Variants in PDE11A observed in about 807,000 individuals in gnomAD.
The protein encoded by PDE11A is phosphodiesterase 11A, also known as dual 3',5'-cyclic-AMP and -GMP phosphodiesterase 11A.
A neutral mutation model predicts 100.5 loss-of-function variants in PDE11A; 100 were observed. That is an observed-to-expected ratio of 1.00 (90% CI 0.85 to 1.18). PDE11A has a LOEUF of 1.18. Ranked by LOEUF, PDE11A falls within the 50% of genes most tolerant of loss-of-function variation. The pLI, the probability that PDE11A is intolerant of heterozygous loss-of-function variation, is 0.00. For missense variants in PDE11A, 1,141 were observed against 1,152.6 expected (o/e 0.99, Z 0.15); for synonymous variants, 381 against 420.8 (o/e 0.91, Z 1.16).
At chr2:177,841,894 A>C (rs563220889) in intron 5 of PDE11A, among the ~76,000 whole-genome samples, 2 of 152,346 alleles carry the variant, frequency 1.3e-5, no homozygotes, top group African/African-American at 4.8e-5. Flanking sequence ...AAATCAAAAC[A>C]AAAGAACAAA....
At chr2:177,845,256 G>A (rs1405697336) in intron 5 of PDE11A, among the ~76,000 whole-genome samples, 1 of 147,694 alleles carries the variant, frequency 6.8e-6, no homozygotes, top group Admixed American at 6.8e-5. Context: ...CGGGCGGAGG[G>A]GCTCCTCACT....
At chr2:177,971,680 G>T (rs939494441) in intron 2 of PDE11A, among the ~76,000 whole-genome samples, 5 of 152,264 alleles carry the variant, frequency 3.3e-5, no homozygotes, top group East Asian at 1.9e-4. Context: ...AGAGGGGATG[G>T]AGGAGGCTGA....
chr2:177,972,279 A>G (rs544151542), intron 2 of PDE11A, among the ~76,000 whole-genome samples: 3 of 152,366 alleles, frequency 2.0e-5, no homozygotes, highest in South Asian at 4.1e-4. Context: ...TCCAAGAGAC[A>G]GGAAGAGAAC....
At chr2:178,073,137 G>A, upstream of PDE11A, 1 of 907,642 alleles carries the variant, frequency 1.1e-6, no homozygotes, top group Non-Finnish European at 1.3e-6. Context: ...ATGTTTTGCA[G>A]GGATCTGAAC....
At chr2:178,012,982 AT>A (rs1209501066) in intron 2 of PDE11A, among the ~76,000 whole-genome samples, 1 of 152,188 alleles carries the variant, frequency 6.6e-6, no homozygotes, top group East Asian at 1.9e-4. Flanking sequence ...TTCCATGGAA[AT>A]ATCTTTATTG....
Position 177,951,907 on chromosome 2 carries a change from A to G in PDE11A, c.1072-46720T>C, listed in dbSNP as rs555315146. On this transcript the variant is annotated intron_variant, in intron 2 of 19. Coordinates refer to ENST00000286063, the MANE Select transcript of PDE11A (RefSeq NM_016953.4). Reference sequence around the variant, plus strand: ...TTAGAGGATTGTTTAGGGGAAAAAAAGGCAATTTTTAAAAAATACTTTAAG... The same window carrying G: ...TTAGAGGATTGTTTAGGGGAAAAAAGGGCAATTTTTAAAAAATACTTTAAG... Among the ~76,000 whole-genome samples the G allele has an allele frequency of 2.6e-5, 4 of 152,300 alleles. No individual in the cohort carries two copies. The East Asian group carries it at 7.7e-4, about 29-fold the overall frequency.
chr2:177,733,145 A>T (rs2081719006), intron 10 of PDE11A, among the ~76,000 whole-genome samples: 1 of 152,228 alleles, frequency 6.6e-6, no homozygotes, highest in Non-Finnish European at 1.5e-5. Flanking sequence ...AACAAAACAA[A>T]TCAAAGTCAA....
intron 19 of PDE11A, among the ~76,000 whole-genome samples, chr2:177,639,355 T>A (rs1324414177): frequency 6.6e-6 from 1 of 152,194 alleles, no homozygotes; most frequent in East Asian, 1.9e-4. Flanking sequence ...AAAAACTCTG[T>A]CTTGCTTAGT....
chr2:178,018,291 T>C (rs1214351009), intron 1 of PDE11A: 11 of 408,056 alleles, frequency 2.7e-5, no homozygotes, highest in Admixed American at 2.2e-4. Context: ...TCACTCTCCT[T>C]AGTCACTAAG....
intron 13 of PDE11A, among the ~76,000 whole-genome samples, chr2:177,705,666 G>T (rs1330452381): frequency 1.3e-5 from 2 of 152,202 alleles, no homozygotes; most frequent in African/African-American, 2.4e-5. Context: ...AAAAGAGACT[G>T]AATGGCAGTG....
intron 6 of PDE11A, among the ~76,000 whole-genome samples, chr2:177,839,777 C>T (rs1487078018): frequency 6.6e-6 from 1 of 152,144 alleles, no homozygotes; most frequent in East Asian, 1.9e-4. Context: ...GAGACATTAT[C>T]AGTTCATGTG....
chr2:177,810,455 A>G (rs1263490977), intron 9 of PDE11A, among the ~76,000 whole-genome samples: 2 of 152,194 alleles, frequency 1.3e-5, no homozygotes, highest in Non-Finnish European at 2.9e-5. Context: ...AGAAATTTTT[A>G]TAGAGGAGAT....
intron 10 of PDE11A, 101 bp from the exon 11 acceptor site, chr2:177,728,273 G>T: frequency 2.1e-6 from 2 of 961,596 alleles, no homozygotes; most frequent in Non-Finnish European, 3.3e-6. Flanking sequence ...CATAAATCAG[G>T]CCTGACCTGC....
At chr2:178,088,769 C>A (rs1402051755) in intron 2 of PDE11A, among the ~76,000 whole-genome samples, 1 of 152,176 alleles carries the variant, frequency 6.6e-6, no homozygotes, top group Non-Finnish European at 1.5e-5. Flanking sequence ...CTCCTGGTTC[C>A]TGTTAACGGT....
chr2:177,821,384 C>G (rs1317165668), intron 6 of PDE11A, among the ~76,000 whole-genome samples: 1 of 151,662 alleles, frequency 6.6e-6, no homozygotes, highest in East Asian at 1.9e-4. Context: ...CAACTACCAC[C>G]AAGATCAAGA....
At chr2:178,033,125 C>G (rs1478685887) in intron 1 of PDE11A, among the ~76,000 whole-genome samples, 1 of 152,090 alleles carries the variant, frequency 6.6e-6, no homozygotes, top group Non-Finnish European at 1.5e-5. Flanking sequence ...ATGTTTTAAC[C>G]TAATGCAAGG....
chr2:178,104,328 G>GGCAAAC, exon 2 of PDE11A: 1 of 1,614,030 alleles, frequency 6.2e-7, no homozygotes, highest in Non-Finnish European at 8.5e-7. Flanking sequence ...CTCTGTATAA[G>GGCAAAC]AAAATCCTGG....
chr2:178,056,718 GT>G, intron 1 of PDE11A, among the ~76,000 whole-genome samples: 1 of 152,220 alleles, frequency 6.6e-6, no homozygotes, highest in East Asian at 1.9e-4. Flanking sequence ...AAAAATAATT[GT>G]TTTATGAAAG....
At chr2:177,668,744 C>T (rs182688128) in intron 18 of PDE11A, among the ~76,000 whole-genome samples, 373 of 152,304 alleles carry the variant, frequency 2.4e-3, no homozygotes, top group Non-Finnish European at 3.0e-3. Context: ...AACAGACATT[C>T]TTGACAATTG....
Sources: gnomAD v4.1 joint callset for allele counts (sites outside exome capture counted in the v4.1 genomes callset) on GRCh38, gnomAD v4.1.1 for gene constraint, MANE v1.5 for transcripts, NCBI Gene and HGNC (gene_info 2026-07-23, HGNC 2026-07-21) for gene names.